LIPF: variants seen among roughly 807,000 people sequenced by gnomAD.
LIPF encodes the protein gastric triacylglycerol lipase.
In LIPF, 25 loss-of-function variants were observed where a neutral mutation model predicts 38.0. The observed-to-expected ratio is 0.66, with a 90% CI of 0.48 to 0.92. The LOEUF (loss-of-function observed/expected upper bound fraction) is 0.92, where lower values mean the gene tolerates loss of function less well. Among genes scored for constraint, LIPF ranks in the 40% least tolerant of loss-of-function variants. LIPF has a pLI of 0.00. For missense variants in LIPF, 410 were observed against 469.9 expected, an observed-to-expected ratio of 0.87 and a Z score of 1.18; for synonymous variants, 161 against 156.2, an observed-to-expected ratio of 1.03 and a Z score of -0.23.
rs781652110 is a variant in LIPF, at chr10:88,673,562, C to A, written c.670-26C>A. 100 of 1,581,490 alleles carry A rather than the reference C, an allele frequency of 6.3e-5. 1 individual carries two copies. In the Admixed American group the frequency reaches 1.7e-3, roughly 26 times the overall value. ...TTTTCTGCAGCTTGATTGCTACAAC[C>A]CTCTAATAGTGCCTTTATTTTTCAG... On this transcript the variant is annotated intron_variant, in intron 6 of 9. Transcript: ENST00000238983.
chr10:88,675,301 T>G (rs1841668435), intron 7 of LIPF, among the ~76,000 whole-genome samples: 1 of 152,224 alleles, frequency 6.6e-6, no homozygotes. Flanking sequence ...CCATTCTGTG[T>G]GGATCTTGGA....
At position 88,667,420 on chromosome 10, in the gene LIPF, A is replaced by T; in HGVS notation, c.105+18A>T. 2 of 1,329,180 alleles carry T rather than the reference A, an allele frequency of 1.5e-6. No individual in the cohort carries two copies. The highest frequency in any genetic ancestry group is 2.1e-6 in the Non-Finnish European group (2 of 930,860). 82.3% of individuals were successfully genotyped at this position (1,329,180 alleles called of 1,614,324 possible). On this transcript the variant is annotated intron_variant, in intron 2 of 9. Transcript: ENST00000238983. Reference sequence around the variant, plus strand: ...TGAACATTGTAAGTTACTCTGGGGAAAAACTCTATAAAACTAAAAGATGCT... The same window carrying T: ...TGAACATTGTAAGTTACTCTGGGGATAAACTCTATAAAACTAAAAGATGCT...
intron 5 of LIPF, among the ~76,000 whole-genome samples, chr10:88,671,334 G>A (rs1297129289): frequency 6.6e-6 from 1 of 152,132 alleles, no homozygotes; most frequent in Non-Finnish European, 1.5e-5. Flanking sequence ...GTGGTTCTTA[G>A]AGATTAGGTG....
chr10:88,673,083 T>C (rs188781302), intron 6 of LIPF, among the ~76,000 whole-genome samples: 2 of 152,256 alleles, frequency 1.3e-5, no homozygotes, highest in Admixed American at 6.5e-5. Context: ...GTGTATAAAA[T>C]AGAGATGACA....
intron 1 of LIPF, chr10:88,665,361 G>A: frequency 1.8e-6 from 1 of 547,248 alleles, no homozygotes. Context: ...TACAGGCCCT[G>A]TTTTATAGAT....
At chr10:88,669,198 T>C in intron 4 of LIPF, 1 of 161,404 alleles carries the variant, frequency 6.2e-6, no homozygotes, top group Admixed American at 5.8e-5. Context: ...CTGGTCTTCT[T>C]GTGCCTTATT....
chr10:88,669,521 T>C lies in LIPF; in HGVS notation c.423-316T>C, dbSNP rs571160700. On this transcript the variant is annotated intron_variant, in intron 4 of 9. Coordinates refer to ENST00000238983, the MANE Select transcript of LIPF (RefSeq NM_004190.4). Reference sequence around the variant, plus strand: ...AAATAGAGAAAGACAGGATTTATATTAAATGACATGGAACACAGCATACAC... The same window carrying C: ...AAATAGAGAAAGACAGGATTTATATCAAATGACATGGAACACAGCATACAC... 4 of 180,658 alleles carry C rather than the reference T, an allele frequency of 2.2e-5. No homozygotes were observed. The South Asian group carries it at 4.4e-4, about 20-fold the overall frequency. 11.2% of individuals were successfully genotyped at this position (180,658 alleles called of 1,614,324 possible). A position where few individuals can be genotyped will look rare whatever the true frequency, so the allele number is the denominator to read the frequency against.
At chr10:88,669,785 G>C (rs369621428) in intron 4 of LIPF, 52 bp from the exon 5 acceptor site, 1 of 1,288,430 alleles carries the variant, frequency 7.8e-7, no homozygotes, top group Non-Finnish European at 1.1e-6. Context: ...TTGAATTTTA[G>C]AAACAATAGC....
intron 6 of LIPF, among the ~76,000 whole-genome samples, chr10:88,672,539 G>A (rs1045590114): frequency 6.6e-6 from 1 of 151,742 alleles, no homozygotes; most frequent in Non-Finnish European, 1.5e-5. Flanking sequence ...AATATTAAGT[G>A]CCTTATGCAG....
chr10:88,675,464 C>T, intron 7 of LIPF, 122 bp from the exon 8 acceptor site: 5 of 732,440 alleles, frequency 6.8e-6, no homozygotes, highest in South Asian at 1.7e-5. Flanking sequence ...TGTTCATATC[C>T]TTCCAGTAAA....
intron 7 of LIPF, 92 bp downstream of exon 7, chr10:88,673,826 A>G: frequency 2.0e-6 from 2 of 1,010,654 alleles, no homozygotes; most frequent in Non-Finnish European, 3.0e-6. Context: ...GAGAACTAGG[A>G]GTAGGTTCAG....
chr10:88,671,152 G>A (rs771397424), intron 5 of LIPF, among the ~76,000 whole-genome samples: 4 of 152,084 alleles, frequency 2.6e-5, no homozygotes, highest in Non-Finnish European at 4.4e-5. Context: ...ATTCATTACT[G>A]AATGTATTTA....
chr10:88,667,482 G>T lies in LIPF; in HGVS notation c.105+80G>T. On this transcript the variant is annotated intron_variant, in intron 2 of 9. Transcript: ENST00000238983. ...TCATAATGAGTTAAAGATTTTATAT[G>T]ACCAATTAAAAATAAACAGTAATAT... is the stretch of plus-strand genomic sequence containing the variant. The T allele has an allele frequency of 2.9e-6, 3 of 1,044,804 alleles. No homozygotes were observed. In the South Asian group the frequency reaches 4.3e-5, roughly 15 times the overall value. 64.7% of individuals were successfully genotyped at this position (1,044,804 alleles called of 1,614,324 possible).
chr10:88,673,773 C>A, intron 7 of LIPF, 39 bp downstream of exon 7: 1 of 1,549,236 alleles, frequency 6.5e-7, no homozygotes, highest in Non-Finnish European at 8.9e-7. Flanking sequence ...TGAGCAACAT[C>A]TTTGATTACT....
rs1841600687 is a variant in LIPF, at chr10:88,671,799, CT to C, written c.533-25del. 10 of 1,598,086 alleles carry C rather than the reference CT, an allele frequency of 6.3e-6. No individual in the cohort carries two copies. In the East Asian group the frequency reaches 1.3e-4, roughly 21 times the overall value. ...CAACAACAACAACACACACACACACCTTTTTCACCAGTTCCTTGTTCTTTTT... is the reference window on the plus strand; with the variant it reads ...CAACAACAACAACACACACACACACCTTTTCACCAGTTCCTTGTTCTTTTT... On this transcript the variant is annotated intron_variant, in intron 5 of 9. Coordinates refer to ENST00000238983, the MANE Select transcript of LIPF (RefSeq NM_004190.4).
At position 88,668,603 on chromosome 10, in the gene LIPF, C is replaced by G; in HGVS notation, c.269C>G (p.Ala90Gly). 1 of 1,614,174 alleles carries G rather than the reference C, an allele frequency of 6.2e-7. No homozygotes were observed. Among genetic ancestry groups the G allele is most frequent in the Non-Finnish European group, 8.5e-7 (1 of 1,180,006 alleles). ...VFLQHGLLAS[A>G]TNWISNLPNN... ...TTGCAGCATGGTTTGCTTGCATCAG[C>G]CACAAACTGGATTTCCAACCTGCCG... The change falls in exon 4 of 10, where the codon GCC becomes GGC. Residue 90 changes from alanine (A) to glycine (G), a missense_variant. Coordinates refer to ENST00000238983, the MANE Select transcript of LIPF (RefSeq NM_004190.4).
At chr10:88,668,518 G>T in intron 3 of LIPF, 40 bp from the exon 4 acceptor site, 1 of 1,562,308 alleles carries the variant, frequency 6.4e-7, no homozygotes, top group Admixed American at 1.7e-5. Context: ...CCTAGAATAA[G>T]GAATACATTT....
intron 8 of LIPF, 136 bp downstream of exon 8, chr10:88,675,793 T>A: frequency 1.8e-6 from 1 of 547,368 alleles, no homozygotes. Flanking sequence ...CATACAAAAA[T>A]AACTATGAAT....
At chr10:88,665,018 C>T (rs1469452430) in intron 1 of LIPF, among the ~76,000 whole-genome samples, 1 of 152,174 alleles carries the variant, frequency 6.6e-6, no homozygotes, top group Non-Finnish European at 1.5e-5. Flanking sequence ...TTATATAAAT[C>T]TCCCTGGGGA....
Sources: gnomAD v4.1 joint callset for allele counts (sites outside exome capture counted in the v4.1 genomes callset) on GRCh38, gnomAD v4.1.1 for gene constraint, MANE v1.5 for transcripts, NCBI Gene and HGNC (gene_info 2026-07-23, HGNC 2026-07-21) for gene names.